The following HS6ST3 variants were observed in gnomAD, a reference collection of about 807,000 sequenced individuals.
HS6ST3 encodes heparan sulfate 6-O-sulfotransferase 3.
A neutral mutation model predicts 36.7 loss-of-function variants in HS6ST3; 12 were observed. That is an observed-to-expected ratio of 0.33 (90% CI 0.21 to 0.53). The LOEUF (loss-of-function observed/expected upper bound fraction) is 0.53. Ranked by LOEUF, HS6ST3 falls within the 20% of genes least tolerant of loss-of-function variation. HS6ST3 has a pLI of 0.95. For missense variants in HS6ST3, 584 were observed against 640.9 expected, an observed-to-expected ratio of 0.91 and a Z score of 0.96; for synonymous variants, 240 against 257.5, an observed-to-expected ratio of 0.93 and a Z score of 0.65.
At chr13:96,603,086 G>A (rs1002770552) in intron 1 of HS6ST3, among the ~76,000 whole-genome samples, 2 of 152,114 alleles carry the variant, frequency 1.3e-5, no homozygotes, top group Admixed American at 6.5e-5. Flanking sequence ...GGGAAAGATT[G>A]ATGGAGCATC....
chr13:96,227,757 A>G (rs1193704013), intron 1 of HS6ST3, among the ~76,000 whole-genome samples: 1 of 152,176 alleles, frequency 6.6e-6, no homozygotes, highest in African/African-American at 2.4e-5. Flanking sequence ...ATTTCAATAC[A>G]GATTGTCCAG....
intron 1 of HS6ST3, among the ~76,000 whole-genome samples, chr13:96,113,826 T>G (rs1279786006): frequency 1.3e-5 from 2 of 152,118 alleles, no homozygotes. Context: ...TGCACTAATA[T>G]ATTCATTTTA....
rs530809247 is a variant in HS6ST3 at position 96,437,107 on chromosome 13, G to A, written c.707+345538G>A. Among the ~76,000 whole-genome samples the A allele has an allele frequency of 5.3e-5, 8 of 152,254 alleles. 1 individual carries two copies. The South Asian group carries it at 1.7e-3, about 32-fold the overall frequency. On this transcript the variant is annotated intron_variant, in intron 1 of 1. Coordinates refer to ENST00000376705, the MANE Select transcript of HS6ST3 (RefSeq NM_153456.4). ...TTCCTCACATAACACAAGTCACCATGTGGTCTGTTTTCTCTTTGTTCCTAT... is the reference window on the plus strand; with the variant it reads ...TTCCTCACATAACACAAGTCACCATATGGTCTGTTTTCTCTTTGTTCCTAT...
At chr13:96,442,801 G>A (rs1232607026) in intron 1 of HS6ST3, among the ~76,000 whole-genome samples, 2 of 147,124 alleles carry the variant, frequency 1.4e-5, no homozygotes, top group Admixed American at 6.7e-5. Context: ...AAAAGTCTGA[G>A]AACATGATAA....
At chr13:96,568,928 A>G (rs1219944654) in intron 1 of HS6ST3, among the ~76,000 whole-genome samples, 1 of 152,176 alleles carries the variant, frequency 6.6e-6, no homozygotes. Flanking sequence ...ATCATCCATA[A>G]GTGTGGAATT....
At chr13:96,188,897 T>C (rs564874489) in intron 1 of HS6ST3, among the ~76,000 whole-genome samples, 2 of 152,312 alleles carry the variant, frequency 1.3e-5, no homozygotes, top group Admixed American at 6.5e-5. Flanking sequence ...TTTCCCAATA[T>C]ACTATTTCGT....
chr13:96,661,572 A>G lies in HS6ST3; in HGVS notation c.708-170918A>G, dbSNP rs552565683. On this transcript the variant is annotated intron_variant, in intron 1 of 1. Coordinates refer to ENST00000376705, the MANE Select transcript of HS6ST3 (RefSeq NM_153456.4). Reference sequence around the variant, plus strand: ...TTATTCTGCCAGTCTGCATCTTTTAAGTAGAGCATTAGTTCATTTATCTTC... The same window carrying G: ...TTATTCTGCCAGTCTGCATCTTTTAGGTAGAGCATTAGTTCATTTATCTTC... 6.6e-5 allele frequency among the ~76,000 whole-genome samples: 10 copies of G among 152,258 alleles called. No homozygotes were observed. The East Asian group carries it at 1.2e-3, about 18-fold the overall frequency.
At chr13:96,264,836 T>C (rs1336982377) in intron 1 of HS6ST3, among the ~76,000 whole-genome samples, 1 of 152,192 alleles carries the variant, frequency 6.6e-6, no homozygotes, top group African/African-American at 2.4e-5. Context: ...GTGTTATAAG[T>C]TGACATTTCA....
intron 1 of HS6ST3, among the ~76,000 whole-genome samples, chr13:96,153,078 T>C (rs144191622): frequency 1.3e-5 from 2 of 152,286 alleles, no homozygotes; most frequent in Non-Finnish European, 2.9e-5. Flanking sequence ...ATTTGGATGC[T>C]CTGTCACCTT....
chr13:96,280,691 A>G (rs11620111), intron 1 of HS6ST3, among the ~76,000 whole-genome samples: 8,139 of 152,230 alleles, frequency 0.053, 428 homozygotes, highest in African/African-American at 0.14. Flanking sequence ...AGAGAAATCT[A>G]GAAGATAGGT....
intron 1 of HS6ST3, among the ~76,000 whole-genome samples, chr13:96,112,611 A>G (rs1431040907): frequency 9.3e-6 from 1 of 106,954 alleles, no homozygotes; most frequent in Non-Finnish European, 2.0e-5. Context: ...ATATATATAT[A>G]TATATATATA....
intron 1 of HS6ST3, among the ~76,000 whole-genome samples, chr13:96,563,189 C>A (rs1367642983): frequency 6.6e-6 from 1 of 152,092 alleles, no homozygotes; most frequent in African/African-American, 2.4e-5. Context: ...GAATCCATGA[C>A]ATAGGTTGGC....
chr13:96,567,129 G>T (rs1265664098), intron 1 of HS6ST3, among the ~76,000 whole-genome samples: 3 of 151,744 alleles, frequency 2.0e-5, no homozygotes, highest in African/African-American at 7.3e-5. Context: ...TTCTTTTACT[G>T]CTTCTTTTAT....
At chr13:96,751,892 A>G (rs1876711007) in intron 1 of HS6ST3, among the ~76,000 whole-genome samples, 1 of 150,754 alleles carries the variant, frequency 6.6e-6, no homozygotes, top group African/African-American at 2.4e-5. Flanking sequence ...TTATATATAT[A>G]TAAACTATAT....
intron 1 of HS6ST3, among the ~76,000 whole-genome samples, chr13:96,484,468 C>T (rs1459973209): frequency 6.6e-6 from 1 of 152,162 alleles, no homozygotes; most frequent in East Asian, 1.9e-4. Flanking sequence ...ATCCATCATG[C>T]ATAACTGAAA....
chr13:96,215,956 T>G (rs2054423839), intron 1 of HS6ST3, among the ~76,000 whole-genome samples: 1 of 152,294 alleles, frequency 6.6e-6, no homozygotes, highest in Admixed American at 6.5e-5. Context: ...TATCAACCTA[T>G]TTATGGGAGG....
chr13:96,455,921 A>C (rs184902563), intron 1 of HS6ST3, among the ~76,000 whole-genome samples: 1 of 152,296 alleles, frequency 6.6e-6, no homozygotes, highest in East Asian at 1.9e-4. Context: ...AAAATGACCG[A>C]ATGTCTTTCA....
chr13:96,306,879 A>G (rs2054916517), intron 1 of HS6ST3, among the ~76,000 whole-genome samples: 1 of 152,210 alleles, frequency 6.6e-6, no homozygotes, highest in African/African-American at 2.4e-5. Flanking sequence ...AATTTTCATC[A>G]TCATCATTTA....
At chr13:96,158,975 C>T (rs1467652903) in intron 1 of HS6ST3, among the ~76,000 whole-genome samples, 3 of 151,986 alleles carry the variant, frequency 2.0e-5, no homozygotes, top group African/African-American at 4.8e-5. Flanking sequence ...TGAATCCTTT[C>T]GGCAGGGAAG....
Sources: allele counts gnomAD v4.1 joint callset (sites outside exome capture counted in the v4.1 genomes callset), GRCh38; gene constraint gnomAD v4.1.1; transcripts MANE v1.5; gene names NCBI Gene and HGNC (gene_info 2026-07-23, HGNC 2026-07-21).